UNC5C: variants seen among roughly 807,000 people sequenced by gnomAD.
UNC5C encodes the protein netrin receptor UNC5C.
In UNC5C, 47 loss-of-function variants were observed where a neutral mutation model predicts 99.8. That is an observed-to-expected ratio of 0.47 (90% CI 0.37 to 0.60). The LOEUF (loss-of-function observed/expected upper bound fraction) is 0.60. Among genes scored for constraint, UNC5C ranks in the 20% least tolerant of loss-of-function variants. The pLI is 0.00. For missense variants in UNC5C, 1,062 were observed against 1,165.9 expected (o/e 0.91, Z 1.30); for synonymous variants, 487 against 452.2 (o/e 1.08, Z -0.98).
At chr4:95,379,745 T>A (rs1745006848) in intron 1 of UNC5C, among the ~76,000 whole-genome samples, 1 of 152,128 alleles carries the variant, frequency 6.6e-6, no homozygotes, top group Non-Finnish European at 1.5e-5. Context: ...TGGTGGTAGA[T>A]CAGCTCTCCG....
chr4:95,458,435 T>A (rs1747506272), intron 1 of UNC5C, among the ~76,000 whole-genome samples: 1 of 152,116 alleles, frequency 6.6e-6, no homozygotes, highest in Non-Finnish European at 1.5e-5. Context: ...CTCTTTCTTT[T>A]TTCATGGAGC....
chr4:95,211,843 T>C (rs1230704349), intron 10 of UNC5C, among the ~76,000 whole-genome samples: 1 of 152,186 alleles, frequency 6.6e-6, no homozygotes, highest in East Asian at 1.9e-4. Flanking sequence ...TCTCTCTAAG[T>C]AGGATTTCAA....
chr4:95,237,516 T>C (rs1739163881), intron 7 of UNC5C, among the ~76,000 whole-genome samples: 1 of 152,196 alleles, frequency 6.6e-6, no homozygotes, highest in Admixed American at 6.5e-5. Context: ...AGAAATAGAT[T>C]TCTAACATGT....
At chr4:95,330,561 G>C (rs975810459) in intron 2 of UNC5C, among the ~76,000 whole-genome samples, 3 of 152,056 alleles carry the variant, frequency 2.0e-5, no homozygotes, top group African/African-American at 7.2e-5. Flanking sequence ...ACATAGGAAA[G>C]TTGGTTGGTG....
At chr4:95,398,576 T>G (rs1745593470) in intron 1 of UNC5C, among the ~76,000 whole-genome samples, 1 of 152,182 alleles carries the variant, frequency 6.6e-6, no homozygotes, top group Non-Finnish European at 1.5e-5. Flanking sequence ...ACTGTCCATT[T>G]GAAAATAAAA....
At chr4:95,190,251 AAC>A (rs1737018117) in intron 12 of UNC5C, among the ~76,000 whole-genome samples, 1 of 151,866 alleles carries the variant, frequency 6.6e-6, no homozygotes, top group South Asian at 2.1e-4. Context: ...CAAAAAACCA[AAC>A]ACCACATGTT....
Position 95,184,967 on chromosome 4 carries a change from G to A in UNC5C, c.2286+80C>T, listed in dbSNP as rs956252185. On this transcript the variant is annotated intron_variant, in intron 13 of 15. Transcript: ENST00000453304. ...TGACATATGATTAATTTCAAGGAAG[G>A]GGATTTCCTATGTCTATATAATTTT... The A allele has an allele frequency of 2.9e-6, 4 of 1,357,988 alleles. No individual in the cohort carries two copies. In the African/African-American group the frequency reaches 5.8e-5, roughly 20 times the overall value. The allele number at this position is 1,357,988 out of a possible 1,614,324, so 84.1% of individuals were successfully genotyped here. A position where few individuals can be genotyped will look rare whatever the true frequency, so the allele number is the denominator to read the frequency against.
intron 4 of UNC5C, among the ~76,000 whole-genome samples, chr4:95,270,988 GCTCT>G (rs994503091): frequency 2.6e-5 from 4 of 152,136 alleles, no homozygotes; most frequent in Non-Finnish European, 5.9e-5. Context: ...CATGCTTTTT[GCTCT>G]CTCTGACTCC....
intron 4 of UNC5C, among the ~76,000 whole-genome samples, chr4:95,263,987 C>T (rs1280775679): frequency 6.6e-6 from 1 of 152,144 alleles, no homozygotes; most frequent in Non-Finnish European, 1.5e-5. Context: ...TCAATGGATA[C>T]ATTTTCCATT....
chr4:95,511,887 C>G, intron 1 of UNC5C, among the ~76,000 whole-genome samples: 1 of 152,256 alleles, frequency 6.6e-6, no homozygotes, highest in South Asian at 2.1e-4. Context: ...GAAGGGGCTA[C>G]ATTCTGGGTA....
intron 1 of UNC5C, among the ~76,000 whole-genome samples, chr4:95,336,666 T>C (rs1743361447): frequency 6.6e-6 from 1 of 151,864 alleles, no homozygotes; most frequent in Non-Finnish European, 1.5e-5. Flanking sequence ...AGTCATAAGA[T>C]AGCTGTCAAA....
intron 14 of UNC5C, among the ~76,000 whole-genome samples, chr4:95,171,323 G>A (rs1415888252): frequency 6.0e-5 from 9 of 150,894 alleles, no homozygotes; most frequent in African/African-American, 1.7e-4. Flanking sequence ...ATGCTGGTGC[G>A]CTGCACCCAC....
chr4:95,203,103 A>T lies in UNC5C; in HGVS notation c.1903-139T>A, dbSNP rs1737748948. 4.4e-6 allele frequency: 3 copies of T among 678,410 alleles called. No individual in the cohort carries two copies. The African/African-American group carries it at 5.4e-5, about 12-fold the overall frequency. The allele number at this position is 678,410 out of a possible 1,614,324, so 42.0% of individuals were successfully genotyped here. ...CTCTCTCAGAGTTTATAATCTGTCT[A>T]CTTGAGTTCATCATTCTGTCTCTTT... On this transcript the variant is annotated intron_variant, in intron 11 of 15. Coordinates refer to ENST00000453304, the MANE Select transcript of UNC5C (RefSeq NM_003728.4).
At chr4:95,265,756 C>G (rs1437612389) in intron 4 of UNC5C, among the ~76,000 whole-genome samples, 1 of 152,174 alleles carries the variant, frequency 6.6e-6, no homozygotes, top group African/African-American at 2.4e-5. Context: ...GCTTTGGAGT[C>G]AGGCAGAGTT....
chr4:95,499,455 A>T (rs1051432228), intron 1 of UNC5C, among the ~76,000 whole-genome samples: 1 of 152,144 alleles, frequency 6.6e-6, no homozygotes, highest in African/African-American at 2.4e-5. Flanking sequence ...GGGAAACCCC[A>T]GTGATATTCT....
chr4:95,373,583 C>CTT (rs1352060228), intron 1 of UNC5C, among the ~76,000 whole-genome samples: 1 of 152,170 alleles, frequency 6.6e-6, no homozygotes, highest in Admixed American at 6.6e-5. Context: ...TTATCTGATT[C>CTT]TTCCTCCCAA....
At chr4:95,464,500 T>C (rs1352734732) in intron 1 of UNC5C, among the ~76,000 whole-genome samples, 1 of 152,176 alleles carries the variant, frequency 6.6e-6, no homozygotes, top group Non-Finnish European at 1.5e-5. Context: ...GTCAGAAAAG[T>C]AGGAGCATCT....
At chr4:95,236,350 G>A (rs771774478) in intron 7 of UNC5C, among the ~76,000 whole-genome samples, 19 of 150,826 alleles carry the variant, frequency 1.3e-4, no homozygotes, top group Non-Finnish European at 4.4e-5. Flanking sequence ...ACCAAACATC[G>A]CATGTTCTCA....
chr4:95,253,594 C>T (rs994351556), intron 4 of UNC5C, among the ~76,000 whole-genome samples: 1 of 152,210 alleles, frequency 6.6e-6, no homozygotes, highest in Admixed American at 6.5e-5. Flanking sequence ...AGAAACTCTG[C>T]TTTTATCTGT....
Sources: gnomAD v4.1 joint callset for allele counts (sites outside exome capture counted in the v4.1 genomes callset) on GRCh38, gnomAD v4.1.1 for gene constraint, MANE v1.5 for transcripts, NCBI Gene and HGNC (gene_info 2026-07-23, HGNC 2026-07-21) for gene names.